The following PIEZO2 variants were observed in gnomAD, a reference collection of about 807,000 sequenced individuals.
PIEZO2 encodes the protein piezo-type mechanosensitive ion channel component 2.
PIEZO2 carries 172 observed loss-of-function variants against 337.3 expected under a neutral mutation model. That is an observed-to-expected ratio of 0.51 (90% CI 0.45 to 0.58). The LOEUF (loss-of-function observed/expected upper bound fraction) is 0.58. Ranked by LOEUF, PIEZO2 falls within the 20% of genes least tolerant of loss-of-function variation. The pLI is 0.00. For synonymous variants in PIEZO2, 1,251 were observed against 1,228.5 expected (o/e 1.02, Z -0.38); for missense variants, 3,028 against 3,391.3 (o/e 0.89, Z 2.66).
Position 10,747,008 on chromosome 18 carries a change from C to T in PIEZO2, c.4424+1463G>A, listed in dbSNP as rs182937272. ...TCTGTGAGGGCAGAGGTGAACATCA[C>T]CTCTTTGTAACAGAGTTGGCAGTGA... is the stretch of plus-strand genomic sequence containing the variant. On this transcript the variant is annotated intron_variant, in intron 30 of 55. Transcript: ENST00000674853. 3.3e-4 allele frequency among the ~76,000 whole-genome samples: 50 copies of T among 152,290 alleles called. No homozygotes were observed. In the Middle Eastern group the frequency reaches 0.01, roughly 31 times the overall value.
chr18:10,974,418 G>C (rs1284516061), intron 3 of PIEZO2, among the ~76,000 whole-genome samples: 2 of 152,182 alleles, frequency 1.3e-5, no homozygotes, highest in African/African-American at 2.4e-5. Flanking sequence ...ATCCAACCAG[G>C]AATGCTGCCA....
chr18:11,117,121 G>C (rs1323306070), intron 1 of PIEZO2, among the ~76,000 whole-genome samples: 2 of 152,090 alleles, frequency 1.3e-5, no homozygotes, highest in African/African-American at 2.4e-5. Flanking sequence ...CAAAAAAATT[G>C]TGTATTTCAA....
At chr18:10,892,828 A>G (rs886159690) in intron 4 of PIEZO2, among the ~76,000 whole-genome samples, 3 of 152,272 alleles carry the variant, frequency 2.0e-5, no homozygotes, top group Non-Finnish European at 4.4e-5. Flanking sequence ...AGTACTTCAT[A>G]CAAATGAAAT....
At chr18:11,013,971 A>C (rs773071151) in intron 2 of PIEZO2, among the ~76,000 whole-genome samples, 1 of 152,248 alleles carries the variant, frequency 6.6e-6, no homozygotes, top group African/African-American at 2.4e-5. Context: ...ATGAGACGTT[A>C]GAGACCTTGC....
Position 10,979,964 on chromosome 18 carries a change from G to A in PIEZO2, c.161-304C>T, listed in dbSNP as rs1020173406. On this transcript the variant is annotated intron_variant, in intron 2 of 55. Coordinates refer to ENST00000674853, the MANE Select transcript of PIEZO2 (RefSeq NM_001378183.1). The surrounding 1 kb of genome is among the most constrained non-coding windows in gnomAD (Gnocchi z 4.0). ...CTGGACCAAAACATTTTACAAGGAA[G>A]TGCTGCCAACTTTGAAGGGACAGAT... is the stretch of plus-strand genomic sequence containing the variant. Among the ~76,000 whole-genome samples, 1 of 152,188 alleles carries A rather than the reference G, an allele frequency of 6.6e-6. No homozygotes were observed. Among genetic ancestry groups the A allele is most frequent in the Admixed American group, 6.5e-5 (1 of 15,278 alleles).
intron 15 of PIEZO2, among the ~76,000 whole-genome samples, chr18:10,787,932 A>C (rs2039279323): frequency 6.6e-6 from 1 of 152,190 alleles, no homozygotes; most frequent in Non-Finnish European, 1.5e-5. Flanking sequence ...TCTTTTAATT[A>C]ATGAAATATG....
At chr18:10,868,420 G>T (rs2042059222) in intron 5 of PIEZO2, among the ~76,000 whole-genome samples, 1 of 152,124 alleles carries the variant, frequency 6.6e-6, no homozygotes, top group Non-Finnish European at 1.5e-5. Context: ...TCACATGGAA[G>T]CAATTTTTCC....
rs113730653 is a variant in PIEZO2 at position 10,813,336 on chromosome 18, C to T, written c.918-6062G>A. ...GGTATTAATTACACTCATATTGTTG[C>T]GAAACCAATCGCCAGAACTTTTTCA... On this transcript the variant is annotated intron_variant, in intron 7 of 55. Transcript: ENST00000674853. The surrounding 1 kb of genome is among the most constrained non-coding windows in gnomAD (Gnocchi z 4.2). Among the ~76,000 whole-genome samples, 1,017 of 152,228 alleles carry T rather than the reference C, an allele frequency of 6.7e-3. 11 individuals carry two copies. The highest frequency in any genetic ancestry group is 0.021 in the African/African-American group (884 of 41,526).
rs2033832603 is a variant in PIEZO2, at chr18:10,962,696, A to T, written c.286+16839T>A. ...GCAAACTTTCAGTAGGCATCCTGAGACGTAGTATCATCTCAGTTTTTTAAT... is the reference window on the plus strand; with the variant it reads ...GCAAACTTTCAGTAGGCATCCTGAGTCGTAGTATCATCTCAGTTTTTTAAT... On this transcript the variant is annotated intron_variant, in intron 3 of 55. Coordinates refer to ENST00000674853, the MANE Select transcript of PIEZO2 (RefSeq NM_001378183.1). This position sits in a 1 kb window ranked among gnomAD's most constrained non-coding sequence, Gnocchi z 4.1. Among the ~76,000 whole-genome samples the T allele has an allele frequency of 3.3e-5, 5 of 152,162 alleles. No individual in the cohort carries two copies. The South Asian group carries it at 1.0e-3, about 32-fold the overall frequency.
At position 11,096,071 on chromosome 18, in the gene PIEZO2, G is replaced by T. The variant is rs559163937; in HGVS notation, c.65-29849C>A. On this transcript the variant is annotated intron_variant, in intron 1 of 55. Transcript: ENST00000674853. The surrounding 1 kb of genome is among the most constrained non-coding windows in gnomAD (Gnocchi z 4.6). ...AGCTTTGCCTCCACTGCATGGAAAG[G>T]GCTTGGAACCAGCGGAGCTGTCCAA... Among the ~76,000 whole-genome samples, 1 of 152,224 alleles carries T rather than the reference G, an allele frequency of 6.6e-6. No individual in the cohort carries two copies. Among genetic ancestry groups the T allele is most frequent in the Non-Finnish European group, 1.5e-5 (1 of 68,042 alleles).
intron 1 of PIEZO2, among the ~76,000 whole-genome samples, chr18:11,082,023 G>C (rs1314277054): frequency 6.6e-6 from 1 of 152,098 alleles, no homozygotes; most frequent in African/African-American, 2.4e-5. Flanking sequence ...GCCTCCCAAA[G>C]TGCTGGGATT....
intron 49 of PIEZO2, 142 bp downstream of exon 49, chr18:10,689,513 G>T: frequency 1.8e-6 from 2 of 1,093,056 alleles, no homozygotes; most frequent in Non-Finnish European, 2.7e-6. Context: ...ACTCTAGTGG[G>T]TTGGAAATCA....
intron 5 of PIEZO2, among the ~76,000 whole-genome samples, chr18:10,857,530 C>T (rs1317803136): frequency 6.6e-6 from 1 of 151,872 alleles, no homozygotes; most frequent in East Asian, 1.9e-4. Flanking sequence ...TAGTTTAGAT[C>T]GATCTGGGTT....
chr18:10,690,561 C>A (rs534529254), intron 48 of PIEZO2, among the ~76,000 whole-genome samples: 1 of 152,286 alleles, frequency 6.6e-6, no homozygotes, highest in Admixed American at 6.5e-5. Flanking sequence ...GTATGAAACA[C>A]GACCCCACAC....
chr18:10,910,961 C>T (rs1350792971), intron 4 of PIEZO2, among the ~76,000 whole-genome samples: 1 of 151,302 alleles, frequency 6.6e-6, no homozygotes, highest in East Asian at 2.0e-4. Context: ...ACATCAATTG[C>T]CCCATTCTAT....
Position 10,773,468 on chromosome 18 carries a change from T to A in PIEZO2, c.2729A>T (p.Glu910Val). Residue 910 changes from glutamate to valine, a missense_variant, in exon 20 of 56, where the codon GAG (glutamate) becomes GTG (valine). Physicochemically the swap from Glu to Val is moderately radical, Grantham distance 121. Coordinates refer to ENST00000674853, the MANE Select transcript of PIEZO2 (RefSeq NM_001378183.1). This position sits in a 1 kb window ranked among gnomAD's most constrained non-coding sequence, Gnocchi z 5.3. ...QKGDLGKDSE[E>V]SEEDGEEEEE... ...CTCTTCCTCTCCGTCCTCCTCTGAC[T>A]CCTCGCTGTCTTTCCCAAGATCACC... 1 of 1,537,456 alleles carries A rather than the reference T, an allele frequency of 6.5e-7. No homozygotes were observed. Among genetic ancestry groups the A allele is most frequent in the Non-Finnish European group, 8.7e-7 (1 of 1,146,974 alleles).
intron 1 of PIEZO2, among the ~76,000 whole-genome samples, chr18:11,106,418 C>CTTTTTTT (rs539595699): frequency 0.058 from 7,458 of 129,294 alleles, 551 homozygotes; most frequent in African/African-American, 0.16. Flanking sequence ...TTTCCTCTCT[C>CTTTTTTT]TTTTTTTTTT....
intron 2 of PIEZO2, among the ~76,000 whole-genome samples, chr18:10,981,636 T>C (rs888055860): frequency 2.6e-5 from 4 of 152,192 alleles, no homozygotes; most frequent in Non-Finnish European, 5.9e-5. Flanking sequence ...TTCAAAATAT[T>C]GTTCCTGAGC....
At chr18:11,121,146 G>T (rs1441321864) in intron 1 of PIEZO2, among the ~76,000 whole-genome samples, 1 of 152,136 alleles carries the variant, frequency 6.6e-6, no homozygotes, top group Non-Finnish European at 1.5e-5. Flanking sequence ...CCACCTACTC[G>T]GGAGGCTAGG....
Sources: allele counts gnomAD v4.1 joint callset (sites outside exome capture counted in the v4.1 genomes callset), GRCh38; gene constraint gnomAD v4.1.1; non-coding constraint Gnocchi (gnomAD v3.1); transcripts MANE v1.5; gene names NCBI Gene and HGNC (gene_info 2026-07-23, HGNC 2026-07-21).